The following FTCDNL1 variants were observed in gnomAD, a reference collection of about 807,000 sequenced individuals.
FTCDNL1 encodes the protein formiminotransferase cyclodeaminase N-terminal like, also known as formiminotransferase N-terminal subdomain-containing protein.
In FTCDNL1, 11 loss-of-function variants were observed where a neutral mutation model predicts 5.9. The ratio of observed to expected loss-of-function variants is 1.87; its 90% CI spans 1.18 to 3.10. FTCDNL1 has a LOEUF of 3.10. FTCDNL1 is among the 30% of genes most tolerant of loss of function. The pLI, the probability that FTCDNL1 is intolerant of heterozygous loss-of-function variation, is 0.00. For synonymous variants in FTCDNL1, 58 were observed against 24.8 expected, an observed-to-expected ratio of 2.34 and a Z score of -3.99; for missense variants, 115 against 65.5, an observed-to-expected ratio of 1.76 and a Z score of -2.61.
At chr2:199,728,763 C>T in the FTCDNL1 span, among the ~76,000 whole-genome samples, 89 of 152,284 alleles carry the variant, frequency 5.8e-4, no homozygotes, top group African/African-American at 1.9e-3. Flanking sequence ...GATTCCTCCT[C>T]GGAGCCACAA....
intron 1 of FTCDNL1, among the ~76,000 whole-genome samples, chr2:199,849,570 C>T (rs1046757739): frequency 2.0e-5 from 3 of 152,098 alleles, no homozygotes; most frequent in African/African-American, 7.2e-5. Context: ...AGTCTTTTTA[C>T]AAAATTCTGT....
the FTCDNL1 span, among the ~76,000 whole-genome samples, chr2:199,683,624 C>A: frequency 1.3e-5 from 2 of 151,184 alleles, no homozygotes; most frequent in African/African-American, 4.9e-5. Flanking sequence ...TCTAGGAGCC[C>A]ATAGTTGACT....
At chr2:199,830,662 G>A (rs573771483) in intron 3 of FTCDNL1, among the ~76,000 whole-genome samples, 5 of 152,178 alleles carry the variant, frequency 3.3e-5, no homozygotes, top group East Asian at 1.9e-4. Context: ...GTTAAAGCGC[G>A]GGGCCCTAAC....
the FTCDNL1 span, among the ~76,000 whole-genome samples, chr2:199,697,618 A>T: frequency 9.3e-4 from 141 of 152,314 alleles, 4 homozygotes; most frequent in South Asian, 0.027. Flanking sequence ...TTTAAAAGAG[A>T]TCCTTAAGGG....
chr2:199,681,297 T>C, the FTCDNL1 span, among the ~76,000 whole-genome samples: 1 of 151,214 alleles, frequency 6.6e-6, no homozygotes, highest in Admixed American at 6.6e-5. Context: ...CTACTAATAA[T>C]ACAAAAAAAT....
the FTCDNL1 span, among the ~76,000 whole-genome samples, chr2:199,750,967 G>A: frequency 6.6e-6 from 1 of 152,198 alleles, no homozygotes; most frequent in Non-Finnish European, 1.5e-5. Context: ...AAGAGCGGGG[G>A]CTTTGACTTG....
chr2:199,791,674 T>A (rs533824489), intron 3 of FTCDNL1, among the ~76,000 whole-genome samples: 3 of 152,176 alleles, frequency 2.0e-5, no homozygotes, highest in African/African-American at 7.2e-5. Context: ...GTACATAATA[T>A]AAAATTTATG....
intron 3 of FTCDNL1, among the ~76,000 whole-genome samples, chr2:199,831,040 T>C (rs1265178427): frequency 6.6e-6 from 1 of 152,220 alleles, no homozygotes; most frequent in Non-Finnish European, 1.5e-5. Flanking sequence ...TGGATGCTAC[T>C]GTTTACTCCA....
chr2:199,847,463 G>A (rs1255664541), intron 2 of FTCDNL1, among the ~76,000 whole-genome samples: 19 of 152,060 alleles, frequency 1.2e-4, no homozygotes, highest in Admixed American at 1.2e-3. Context: ...CTCCTGAAAA[G>A]CTTTTATTCT....
At chr2:199,756,683 T>A (rs888059890), downstream of FTCDNL1, among the ~76,000 whole-genome samples, 1 of 152,234 alleles carries the variant, frequency 6.6e-6, no homozygotes, top group African/African-American at 2.4e-5. Flanking sequence ...GAAAGGAGGT[T>A]GTATCGGTCA....
chr2:199,735,060 G>A, the FTCDNL1 span, among the ~76,000 whole-genome samples: 1 of 133,032 alleles, frequency 7.5e-6, no homozygotes, highest in Non-Finnish European at 1.5e-5. Context: ...GGCTTCAGAA[G>A]ACGAGAATGT....
rs189748810 is a variant in FTCDNL1 at position 199,810,310 on chromosome 2, G to C, written c.*2395C>G. 2.4e-4 allele frequency among the ~76,000 whole-genome samples: 37 copies of C among 152,306 alleles called. No homozygotes were observed. Among genetic ancestry groups the C allele is most frequent in the Non-Finnish European group, 2.9e-5 (2 of 68,034 alleles). ...CAGATTAAAATGAATCTCAAAACCA[G>C]TCTTAATTAGGGAAAGAGGTCACTA... is the stretch of plus-strand genomic sequence containing the variant. On this transcript the variant is annotated 3_prime_UTR_variant, in exon 5 of 5. Coordinates refer to ENST00000420128, the MANE Select transcript of FTCDNL1 (RefSeq NM_001363886.2).
chr2:199,796,930 T>C (rs556713011), intron 3 of FTCDNL1, among the ~76,000 whole-genome samples: 2 of 152,294 alleles, frequency 1.3e-5, no homozygotes, highest in South Asian at 4.1e-4. Flanking sequence ...AACTCTAAAC[T>C]GTGAGATCCA....
the FTCDNL1 span, among the ~76,000 whole-genome samples, chr2:199,739,914 G>A: frequency 2.0e-5 from 3 of 152,106 alleles, no homozygotes; most frequent in Admixed American, 2.0e-4. Flanking sequence ...GGGCTCTGGA[G>A]GGCCTAGGAT....
chr2:199,742,768 G>A, the FTCDNL1 span, among the ~76,000 whole-genome samples: 25 of 152,204 alleles, frequency 1.6e-4, 1 homozygote, highest in Admixed American at 2.6e-4. Flanking sequence ...AGAGTCTCTC[G>A]GTTTCTAGTC....
Position 199,851,174 on chromosome 2 carries a change from A to AGCCTCCGCCGCCGC in FTCDNL1, c.-443_-442insGCGGCGGCGGAGGC. ...CCGCCGCCGCGCGTGGCCCGCGCGCAGCGTCTGCCGCCGGCTCCGCCTCCC... is the reference window on the plus strand; with the variant it reads ...CCGCCGCCGCGCGTGGCCCGCGCGCAGCCTCCGCCGCCGCGCGTCTGCCGCCGGCTCCGCCTCCC... On this transcript the variant is annotated 5_prime_UTR_variant, in exon 1 of 5. Coordinates refer to ENST00000420128, the MANE Select transcript of FTCDNL1 (RefSeq NM_001363886.2). 1 of 147,990 alleles carries AGCCTCCGCCGCCGC rather than the reference A, an allele frequency of 6.8e-6. No homozygotes were observed. The allele number at this position is 147,990 out of a possible 1,614,324, so 9.2% of individuals were successfully genotyped here.
the FTCDNL1 span, among the ~76,000 whole-genome samples, chr2:199,729,642 C>T: frequency 1.3e-5 from 2 of 152,122 alleles, no homozygotes; most frequent in Admixed American, 1.3e-4. Context: ...ATACAACTTA[C>T]AAGGGATGTG....
At chr2:199,677,072 G>A in the FTCDNL1 span, among the ~76,000 whole-genome samples, 2 of 152,144 alleles carry the variant, frequency 1.3e-5, no homozygotes, top group Non-Finnish European at 2.9e-5. Flanking sequence ...GAGTTACAGG[G>A]CCCTGGAGAA....
the FTCDNL1 span, among the ~76,000 whole-genome samples, chr2:199,740,762 C>T: frequency 1.3e-5 from 2 of 152,124 alleles, no homozygotes; most frequent in South Asian, 2.1e-4. Flanking sequence ...AGTCTGGAAA[C>T]GCAACTCACA....
Sources: gnomAD v4.1 joint callset for allele counts (sites outside exome capture counted in the v4.1 genomes callset) on GRCh38, gnomAD v4.1.1 for gene constraint, MANE v1.5 for transcripts, NCBI Gene and HGNC (gene_info 2026-07-23, HGNC 2026-07-21) for gene names.